OPRM1: variants seen among roughly 807,000 people sequenced by gnomAD.
OPRM1 encodes the protein mu-type opioid receptor.
Under a neutral mutation model 31.8 loss-of-function variants are expected in OPRM1, and 27 were observed. That is an observed-to-expected ratio of 0.85 (90% CI 0.63 to 1.17). The LOEUF (loss-of-function observed/expected upper bound fraction) is 1.17, where lower values mean the gene tolerates loss of function less well. Among genes scored for constraint, OPRM1 ranks in the 50% most tolerant of loss-of-function variants. The pLI is 0.00. For missense variants in OPRM1, 536 were observed against 511.1 expected, an observed-to-expected ratio of 1.05 and a Z score of -0.47; for synonymous variants, 196 against 189.9, an observed-to-expected ratio of 1.03 and a Z score of -0.26.
chr6:154,151,895 C>T (rs577910628), intron 3 of OPRM1, among the ~76,000 whole-genome samples: 11 of 152,034 alleles, frequency 7.2e-5, no homozygotes, highest in African/African-American at 1.9e-4. Context: ...AATAGAGGGC[C>T]GGGCGCGGTG....
At chr6:154,084,108 CA>C (rs948110182) in intron 1 of OPRM1, among the ~76,000 whole-genome samples, 8 of 152,236 alleles carry the variant, frequency 5.3e-5, no homozygotes, top group African/African-American at 1.9e-4. Context: ...AACTAGCAAG[CA>C]ATAGTTCCTT....
At chr6:154,055,303 G>A (rs1025559037) in intron 1 of OPRM1, among the ~76,000 whole-genome samples, 4 of 152,038 alleles carry the variant, frequency 2.6e-5, no homozygotes, top group African/African-American at 7.2e-5. Flanking sequence ...CAGGAGAATC[G>A]CTTGAACCTG....
chr6:154,066,583 CTT>C (rs1266505768), intron 1 of OPRM1, among the ~76,000 whole-genome samples: 1 of 151,806 alleles, frequency 6.6e-6, no homozygotes, highest in African/African-American at 2.4e-5. Context: ...GAGGTAAGGC[CTT>C]TAGGAGATAA....
intron 1 of OPRM1, among the ~76,000 whole-genome samples, chr6:154,048,183 C>A (rs1335858983): frequency 6.6e-6 from 1 of 152,134 alleles, no homozygotes; most frequent in Non-Finnish European, 1.5e-5. Flanking sequence ...CACTGAAAAC[C>A]ATTAGTGTGA....
chr6:154,021,674 G>A (rs962710227), intron 1 of OPRM1, among the ~76,000 whole-genome samples: 8 of 152,048 alleles, frequency 5.3e-5, no homozygotes, highest in South Asian at 4.2e-4. Flanking sequence ...ATATATTTTC[G>A]TTAGCTTTAT....
intron 3 of OPRM1, among the ~76,000 whole-genome samples, chr6:154,203,949 T>C (rs1777279467): frequency 6.6e-6 from 1 of 152,308 alleles, no homozygotes; most frequent in Middle Eastern, 3.4e-3. Context: ...CCAATTACAA[T>C]GCAAATAGCC....
At chr6:154,213,928 G>C (rs1024777656) in intron 3 of OPRM1, among the ~76,000 whole-genome samples, 1 of 152,202 alleles carries the variant, frequency 6.6e-6, no homozygotes, top group Non-Finnish European at 1.5e-5. Context: ...TTCCACAAGT[G>C]GAGCAATTAA....
intron 3 of OPRM1, among the ~76,000 whole-genome samples, chr6:154,206,485 A>T (rs1777505012): frequency 6.6e-6 from 1 of 152,242 alleles, no homozygotes; most frequent in Non-Finnish European, 1.5e-5. Flanking sequence ...GCACAGTCAT[A>T]AATGATGTGG....
intron 1 of OPRM1, among the ~76,000 whole-genome samples, chr6:154,051,160 G>A (rs1370543318): frequency 6.6e-6 from 1 of 152,106 alleles, no homozygotes; most frequent in African/African-American, 2.4e-5. Flanking sequence ...TAATAACCAT[G>A]CTATAGCTAT....
chr6:154,028,973 T>C (rs1035936858), intron 1 of OPRM1, among the ~76,000 whole-genome samples: 2 of 152,172 alleles, frequency 1.3e-5, no homozygotes, highest in African/African-American at 2.4e-5. Context: ...CTTTTTTGTG[T>C]AGATAGTTGT....
At chr6:154,023,455 A>G (rs1778504949) in intron 1 of OPRM1, among the ~76,000 whole-genome samples, 1 of 152,162 alleles carries the variant, frequency 6.6e-6, no homozygotes, top group Non-Finnish European at 1.5e-5. Flanking sequence ...TTTTTGATTC[A>G]GTCCTTAGAG....
At chr6:154,169,188 C>T (rs184763294) in intron 3 of OPRM1, among the ~76,000 whole-genome samples, 4 of 152,196 alleles carry the variant, frequency 2.6e-5, no homozygotes, top group East Asian at 1.9e-4. Flanking sequence ...TGGTAAAACC[C>T]GTTGTCTACT....
chr6:154,222,304 C>A (rs1778929017), intron 3 of OPRM1, among the ~76,000 whole-genome samples: 1 of 152,224 alleles, frequency 6.6e-6, no homozygotes, highest in Non-Finnish European at 1.5e-5. Context: ...CCACAAGAAT[C>A]AGCACTGGAC....
At chr6:154,214,905 A>C (rs1166724875) in intron 3 of OPRM1, among the ~76,000 whole-genome samples, 1 of 152,220 alleles carries the variant, frequency 6.6e-6, no homozygotes, top group Non-Finnish European at 1.5e-5. Flanking sequence ...CGAGACAGAA[A>C]CTCAAACTTG....
intron 1 of OPRM1, among the ~76,000 whole-genome samples, chr6:154,013,341 C>T (rs577099453): frequency 4.6e-5 from 7 of 152,196 alleles, no homozygotes; most frequent in African/African-American, 1.7e-4. Context: ...ATTTTATATT[C>T]GCCTGTGAGA....
intron 3 of OPRM1, among the ~76,000 whole-genome samples, chr6:154,227,917 A>G (rs1175243447): frequency 6.6e-6 from 1 of 151,690 alleles, no homozygotes; most frequent in Non-Finnish European, 1.5e-5. Flanking sequence ...TTTTATTCTG[A>G]AGACAGTTGA....
intron 3 of OPRM1, among the ~76,000 whole-genome samples, chr6:154,239,959 C>T (rs186855095): frequency 3.7e-4 from 56 of 152,312 alleles, no homozygotes; most frequent in South Asian, 2.3e-3. Flanking sequence ...ACCTCAGCCA[C>T]CCAAAGTGCT....
At chr6:154,158,062 T>C (rs1020058898) in intron 3 of OPRM1, 2 of 152,280 alleles carry the variant, frequency 1.3e-5, no homozygotes, top group East Asian at 3.8e-4. Context: ...GTTTTTTGTT[T>C]TTATTTCTTA....
chr6:154,236,184 T>C (rs976243790), intron 3 of OPRM1, among the ~76,000 whole-genome samples: 4 of 152,164 alleles, frequency 2.6e-5, no homozygotes, highest in African/African-American at 9.7e-5. Flanking sequence ...CAAAATGTGG[T>C]ACACACATCA....
Sources: gnomAD v4.1 joint callset for allele counts (sites outside exome capture counted in the v4.1 genomes callset) on GRCh38, gnomAD v4.1.1 for gene constraint, MANE v1.5 for transcripts, NCBI Gene and HGNC (gene_info 2026-07-23, HGNC 2026-07-21) for gene names.